The following ARHGEF3 variants were observed in gnomAD, a reference collection of about 807,000 sequenced individuals.
The protein encoded by ARHGEF3 is Rho guanine nucleotide exchange factor 3, also known as 59.8 kDA protein.
Under a neutral mutation model 63.2 loss-of-function variants are expected in ARHGEF3, and 28 were observed. The observed-to-expected ratio is 0.44, with a 90% CI of 0.33 to 0.61. The LOEUF (loss-of-function observed/expected upper bound fraction) is 0.61. Ranked by LOEUF, ARHGEF3 falls within the 20% of genes least tolerant of loss-of-function variation. The probability of loss-of-function intolerance (pLI) is 0.03; values close to 1 mark genes in which losing one functional copy is unlikely to be tolerated. For synonymous variants in ARHGEF3, 266 were observed against 254.2 expected, an observed-to-expected ratio of 1.05 and a Z score of -0.44; for missense variants, 533 against 659.3, an observed-to-expected ratio of 0.81 and a Z score of 2.10.
chr3:56,775,361 A>G, intron 1 of ARHGEF3: 1 of 1,084,378 alleles, frequency 9.2e-7, no homozygotes. Context: ...GCTTTCCAGC[A>G]TTTGCATATA....
Position 56,801,722 on chromosome 3 carries a change from C to G in ARHGEF3, c.77G>C (p.Gly26Ala). The change falls in exon 1 of 10, where the codon GGT (glycine) becomes GCT (alanine). Residue 26 changes from glycine (G) to alanine (A), a missense_variant. Around this residue, in one of 4 missense-constraint regions of ARHGEF3, gnomAD observed 160 missense variants for 157.3 expected, o/e 1.02. Coordinates refer to ENST00000296315, the MANE Select transcript of ARHGEF3 (RefSeq NM_019555.3). ...NCSLELPPAS[G>A]PAKDAEEPSN... ...CCCTACCTCAGCGTCCTTGGCCGGA[C>G]CGCTGGCCGGGGGTAGCTCCAGGCT... The G allele has an allele frequency of 6.4e-7, 1 of 1,563,158 alleles. No individual in the cohort carries two copies. Among genetic ancestry groups the G allele is most frequent in the Middle Eastern group, 1.7e-4 (1 of 6,004 alleles).
intron 1 of ARHGEF3, among the ~76,000 whole-genome samples, chr3:56,790,138 C>A (rs755193610): frequency 6.9e-4 from 105 of 152,174 alleles, no homozygotes; most frequent in Non-Finnish European, 2.5e-4. Flanking sequence ...TTATAAGAAC[C>A]AGCTTAGAAA....
At chr3:56,910,655 A>C (rs1348351607) in intron 3 of ARHGEF3, among the ~76,000 whole-genome samples, 1 of 152,228 alleles carries the variant, frequency 6.6e-6, no homozygotes, top group Non-Finnish European at 1.5e-5. Context: ...AGCCAAAAAC[A>C]GAAACGAAAA....
At chr3:56,789,732 A>AT (rs2036990421) in intron 1 of ARHGEF3, among the ~76,000 whole-genome samples, 1 of 152,184 alleles carries the variant, frequency 6.6e-6, no homozygotes, top group African/African-American at 2.4e-5. Flanking sequence ...TTAATTAGTC[A>AT]TTTTTTACTT....
chr3:57,002,462 C>CTATATATATATATATATATATATA (rs1165862414), intron 2 of ARHGEF3, among the ~76,000 whole-genome samples: 1 of 38,678 alleles, frequency 2.6e-5, no homozygotes, highest in East Asian at 8.9e-4. Flanking sequence ...GTTCTAAGCA[C>CTATATATATATATATATATATATA]TATATATATA....
intron 3 of ARHGEF3, among the ~76,000 whole-genome samples, chr3:56,942,151 TA>T (rs1320927839): frequency 8.5e-5 from 13 of 152,204 alleles, no homozygotes; most frequent in Non-Finnish European, 1.6e-4. Flanking sequence ...TGAAATACAT[TA>T]TTATTGCTAT....
At chr3:56,774,957 G>T in intron 1 of ARHGEF3, 1 of 1,388,884 alleles carries the variant, frequency 7.2e-7, no homozygotes, top group South Asian at 1.4e-5. Context: ...GGAAGAGAAT[G>T]ATGATAGACA....
intron 1 of ARHGEF3, among the ~76,000 whole-genome samples, chr3:57,054,741 T>A (rs1167147333): frequency 6.6e-6 from 1 of 150,616 alleles, no homozygotes; most frequent in Admixed American, 6.6e-5. Context: ...AACCTCTGAC[T>A]CCCTGGTTCA....
chr3:56,759,435 C>T (rs1290038403), intron 2 of ARHGEF3, among the ~76,000 whole-genome samples: 3 of 152,216 alleles, frequency 2.0e-5, no homozygotes, highest in East Asian at 3.9e-4. Context: ...TCCCGAAGTG[C>T]TGGGATTACA....
intron 7 of ARHGEF3, among the ~76,000 whole-genome samples, chr3:56,743,196 G>C (rs997997780): frequency 2.6e-5 from 4 of 152,250 alleles, no homozygotes; most frequent in Admixed American, 2.0e-4. Flanking sequence ...CTGGGGGCCT[G>C]ATCTCTGTGT....
intron 8 of ARHGEF3, 115 bp from the exon 9 acceptor site, chr3:56,732,539 C>T (rs940411743): frequency 6.6e-6 from 8 of 1,219,410 alleles, no homozygotes; most frequent in Non-Finnish European, 8.2e-6. Flanking sequence ...GGATTATGAA[C>T]TCCTAGGTTC....
chr3:56,819,952 G>A (rs537310488), intron 4 of ARHGEF3, among the ~76,000 whole-genome samples: 1 of 152,034 alleles, frequency 6.6e-6, no homozygotes, highest in South Asian at 2.1e-4. Context: ...TGGGACTACA[G>A]GCGTGCACCA....
At chr3:56,802,199 T>C (rs551776447), upstream of ARHGEF3, among the ~76,000 whole-genome samples, 2 of 152,234 alleles carry the variant, frequency 1.3e-5, no homozygotes, top group Admixed American at 1.3e-4. Flanking sequence ...GCAGACCCCA[T>C]GATAGCTCCT....
intron 4 of ARHGEF3, among the ~76,000 whole-genome samples, chr3:56,817,339 C>G (rs921046797): frequency 1.3e-5 from 2 of 152,092 alleles, no homozygotes; most frequent in Non-Finnish European, 2.9e-5. Context: ...GGAGGAGGAA[C>G]GAATCTCTTC....
intron 2 of ARHGEF3, among the ~76,000 whole-genome samples, chr3:56,987,071 G>A (rs1701571914): frequency 6.6e-6 from 1 of 152,048 alleles, no homozygotes; most frequent in Non-Finnish European, 1.5e-5. Flanking sequence ...AATTAGCTGG[G>A]CATGGTGATG....
At chr3:57,014,901 G>A (rs763606282) in intron 2 of ARHGEF3, among the ~76,000 whole-genome samples, 1 of 152,036 alleles carries the variant, frequency 6.6e-6, no homozygotes, top group Non-Finnish European at 1.5e-5. Context: ...TAGCCAGGAT[G>A]GTCTCGATCT....
intron 2 of ARHGEF3, among the ~76,000 whole-genome samples, chr3:57,013,602 C>T (rs949407212): frequency 2.0e-5 from 3 of 152,172 alleles, no homozygotes; most frequent in Non-Finnish European, 4.4e-5. Flanking sequence ...ACTTTTGTGT[C>T]TAGCTGGAGG....
chr3:56,995,780 C>CA (rs774136351), intron 2 of ARHGEF3, among the ~76,000 whole-genome samples: 29 of 152,034 alleles, frequency 1.9e-4, no homozygotes, highest in Non-Finnish European at 3.5e-4. Context: ...TAAAATTGGA[C>CA]ATTTGAAGAT....
intron 2 of ARHGEF3, among the ~76,000 whole-genome samples, chr3:56,988,988 C>G (rs891346095): frequency 7.9e-5 from 12 of 152,154 alleles, no homozygotes; most frequent in African/African-American, 2.9e-4. Context: ...AGTTAAATTA[C>G]AAATAGCTGG....
Sources: allele counts gnomAD v4.1 joint callset (sites outside exome capture counted in the v4.1 genomes callset), GRCh38; gene constraint gnomAD v4.1.1; regional missense constraint gnomAD v4.1.1; transcripts MANE v1.5; gene names NCBI Gene and HGNC (gene_info 2026-07-23, HGNC 2026-07-21).